ZNF410: variants seen among roughly 807,000 people sequenced by gnomAD.
ZNF410 encodes the protein zinc finger protein 410.
A neutral mutation model predicts 54.8 loss-of-function variants in ZNF410; 18 were observed. The ratio of observed to expected loss-of-function variants is 0.33; its 90% CI spans 0.23 to 0.49. ZNF410 has a LOEUF of 0.49. Ranked by LOEUF, ZNF410 falls within the 20% of genes least tolerant of loss-of-function variation. The pLI, the probability that ZNF410 is intolerant of heterozygous loss-of-function variation, is 0.99. For synonymous variants in ZNF410, 191 were observed against 207.3 expected (o/e 0.92, Z 0.68); for missense variants, 405 against 569.6 (o/e 0.71, Z 2.94).
chr14:73,906,308 CT>C (rs369772096), intron 7 of ZNF410: 9,095 of 146,298 alleles, frequency 0.062, 341 homozygotes, highest in African/African-American at 0.11. Context: ...CCAGCCTATA[CT>C]TTTTTTTTTT....
chr14:73,891,532 T>G (rs2140292994), intron 1 of ZNF410, among the ~76,000 whole-genome samples: 1 of 152,248 alleles, frequency 6.6e-6, no homozygotes, highest in African/African-American at 2.4e-5. Context: ...TTTTGTATTT[T>G]TAGTAGAGAG....
intron 4 of ZNF410, 81 bp from the exon 5 acceptor site, chr14:73,897,990 A>T: frequency 1.0e-5 from 12 of 1,187,470 alleles, no homozygotes; most frequent in African/African-American, 3.1e-5. Flanking sequence ...AAAAAAAAAA[A>T]GGGACATGGA....
At position 73,931,603 on chromosome 14, in the gene ZNF410, C is replaced by A; in HGVS notation, c.*62C>A. On this transcript the variant is annotated 3_prime_UTR_variant, in exon 12 of 12. Transcript: ENST00000555044. ...GATCTCAAAATGCGTATACTGGGAA[C>A]AGGATGCCTTAGCCCACAACAGAAC... The A allele has an allele frequency of 1.3e-6, 2 of 1,500,012 alleles. No homozygotes were observed. Among genetic ancestry groups the A allele is most frequent in the Non-Finnish European group, 9.3e-7 (1 of 1,080,140 alleles). The allele number at this position is 1,500,012 out of a possible 1,614,324, so 92.9% of individuals were successfully genotyped here. A position where few individuals can be genotyped will look rare whatever the true frequency, so the allele number is the denominator to read the frequency against.
intron 4 of ZNF410, among the ~76,000 whole-genome samples, chr14:73,897,824 T>C (rs182832422): frequency 2.6e-5 from 4 of 151,952 alleles, no homozygotes; most frequent in East Asian, 1.9e-4. Flanking sequence ...ATACAAAAAT[T>C]AGCCGGGCGT....
intron 7 of ZNF410, among the ~76,000 whole-genome samples, chr14:73,907,154 A>G (rs186964850): frequency 6.4e-4 from 98 of 152,356 alleles, no homozygotes; most frequent in African/African-American, 2.2e-3. Context: ...CTTGCCCAAC[A>G]TCATGCAGGT....
chr14:73,914,365 G>T (rs2055631121), intron 8 of ZNF410: 1 of 152,284 alleles, frequency 6.6e-6, no homozygotes, highest in South Asian at 2.1e-4. Flanking sequence ...GTAGGGACGG[G>T]TTTTCACCAT....
At position 73,897,934 on chromosome 14, in the gene ZNF410, T is replaced by C. The variant is rs534670215; in HGVS notation, c.389-137T>C. On this transcript the variant is annotated intron_variant, in intron 4 of 11. Coordinates refer to ENST00000555044, the MANE Select transcript of ZNF410 (RefSeq NM_021188.3). ...TTGCAGTAAGCCGAGATTGCGCCAC[T>C]GCACTCCAGCCTGGGTGACAGAGCG... The C allele has an allele frequency of 1.2e-4, 90 of 762,584 alleles. No homozygotes were observed. In the South Asian group the frequency reaches 1.6e-3, roughly 14 times the overall value. 47.2% of individuals were successfully genotyped at this position (762,584 alleles called of 1,614,324 possible). A position where few individuals can be genotyped will look rare whatever the true frequency, so the allele number is the denominator to read the frequency against.
Position 73,923,397 on chromosome 14 carries a change from G to A in ZNF410, c.1273G>A (p.Val425Met). The A allele has an allele frequency of 6.2e-7, 1 of 1,612,714 alleles. No homozygotes were observed. Among genetic ancestry groups the A allele is most frequent in the Non-Finnish European group, 8.5e-7 (1 of 1,179,442 alleles). ...AACATTTTTCTGTTGCTTCACAGAGGTGCTTGCTGAAGGATCCCCACGTTC... is the reference window on the plus strand; with the variant it reads ...AACATTTTTCTGTTGCTTCACAGAGATGCTTGCTGAAGGATCCCCACGTTC... ...TNSILGVDDE[V>M]LAEGSPRSLS... Residue 425 changes from valine (V) to methionine (M), a missense_variant and splice_region_variant, in exon 11 of 12, where the codon GTG (valine) becomes ATG (methionine). This residue lies in a region of ZNF410 where 127 missense variants were observed against 141.3 expected (regional missense o/e 0.90). Transcript: ENST00000555044.
chr14:73,918,132 G>A (rs1248499791), intron 8 of ZNF410, among the ~76,000 whole-genome samples: 1 of 151,764 alleles, frequency 6.6e-6, no homozygotes, highest in Non-Finnish European at 1.5e-5. Flanking sequence ...TTTTTTAGAT[G>A]GAGTCTCGCT....
Position 73,905,084 on chromosome 14 carries a change from G to C in ZNF410, c.913+1G>C. The C allele has an allele frequency of 6.2e-7, 1 of 1,612,622 alleles. No individual in the cohort carries two copies. The highest frequency in any genetic ancestry group is 8.5e-7 in the Non-Finnish European group (1 of 1,179,900). On this transcript the variant is annotated splice_donor_variant, in intron 7 of 11. Coordinates refer to ENST00000555044, the MANE Select transcript of ZNF410 (RefSeq NM_021188.3). LOFTEE classifies it high-confidence loss of function. ...AAGAACCACCGGCGCATCCACACAGGTGTGTGCAGCACCAACATTCCTTTG... is the reference window on the plus strand; with the variant it reads ...AAGAACCACCGGCGCATCCACACAGCTGTGTGCAGCACCAACATTCCTTTG...
At chr14:73,909,503 TA>T in intron 8 of ZNF410, 73 bp downstream of exon 8, 1 of 1,213,172 alleles carries the variant, frequency 8.2e-7, no homozygotes, top group Non-Finnish European at 1.2e-6. Context: ...GGGGGTGATA[TA>T]AAGACAACTA....
At chr14:73,923,571 T>C in intron 11 of ZNF410, 49 bp downstream of exon 11, 1 of 1,576,496 alleles carries the variant, frequency 6.3e-7, no homozygotes, top group Non-Finnish European at 8.6e-7. Flanking sequence ...ATGTGGGGAA[T>C]GATTGAGAAT....
At chr14:73,890,440 G>A (rs1047661765) in intron 1 of ZNF410, among the ~76,000 whole-genome samples, 1 of 151,898 alleles carries the variant, frequency 6.6e-6, no homozygotes, top group Non-Finnish European at 1.5e-5. Flanking sequence ...CACCCGCCTC[G>A]GCCTCCCAAA....
intron 2 of ZNF410, 94 bp downstream of exon 2, chr14:73,892,302 G>T (rs930167321): frequency 8.4e-7 from 1 of 1,190,504 alleles, no homozygotes; most frequent in Non-Finnish European, 1.2e-6. Context: ...TTCTTTAATG[G>T]GCCAGATAAT....
chr14:73,903,780 G>A lies in ZNF410; in HGVS notation c.581-180G>A. On this transcript the variant is annotated intron_variant, in intron 5 of 11. Coordinates refer to ENST00000555044, the MANE Select transcript of ZNF410 (RefSeq NM_021188.3). Reference sequence around the variant, plus strand: ...CTTCCCAAAGTGCTTGGGATTATAGGTGTGAGCACCATGCCTGGCCAAGTT... The same window carrying A: ...CTTCCCAAAGTGCTTGGGATTATAGATGTGAGCACCATGCCTGGCCAAGTT... 1.0e-5 allele frequency: 8 copies of A among 792,412 alleles called. No individual in the cohort carries two copies. In the South Asian group the frequency reaches 1.3e-4, roughly 13 times the overall value. 49.1% of individuals were successfully genotyped at this position (792,412 alleles called of 1,614,324 possible). A position where few individuals can be genotyped will look rare whatever the true frequency, so the allele number is the denominator to read the frequency against.
chr14:73,897,525 T>C (rs563823271), intron 4 of ZNF410, among the ~76,000 whole-genome samples: 1 of 152,202 alleles, frequency 6.6e-6, no homozygotes, highest in Admixed American at 6.5e-5. Flanking sequence ...AGGTGGGGAT[T>C]AGTCTGGTTG....
chr14:73,893,012 G>A (rs536061210), intron 2 of ZNF410, among the ~76,000 whole-genome samples: 1 of 152,250 alleles, frequency 6.6e-6, no homozygotes, highest in African/African-American at 2.4e-5. Flanking sequence ...AACCCAGGAG[G>A]TGGAGCTTGC....
intron 8 of ZNF410, 185 bp downstream of exon 8, chr14:73,909,615 G>A: frequency 2.1e-6 from 1 of 472,410 alleles, no homozygotes; most frequent in Non-Finnish European, 3.8e-6. Context: ...GTTGGGGGGG[G>A]GACATCTAAT....
chr14:73,898,292 T>G, intron 5 of ZNF410, 30 bp downstream of exon 5: 1 of 1,611,746 alleles, frequency 6.2e-7, no homozygotes, highest in Non-Finnish European at 8.5e-7. Context: ...TCCTTGCCAC[T>G]ATTCTGTGCA....
Sources: gnomAD v4.1 joint callset for allele counts (sites outside exome capture counted in the v4.1 genomes callset) on GRCh38, gnomAD v4.1.1 for gene constraint, gnomAD v4.1.1 regional missense constraint, MANE v1.5 for transcripts, NCBI Gene and HGNC (gene_info 2026-07-23, HGNC 2026-07-21) for gene names.